PPP4R3B: variants seen among roughly 807,000 people sequenced by gnomAD.
PPP4R3B encodes the protein serine/threonine-protein phosphatase 4 regulatory subunit 3B.
In PPP4R3B, 52 loss-of-function variants were observed where a neutral mutation model predicts 95.4. The ratio of observed to expected loss-of-function variants is 0.54; its 90% CI spans 0.44 to 0.69. The LOEUF is 0.69. PPP4R3B is among the 30% of genes least tolerant of loss of function. PPP4R3B has a pLI of 0.00. For missense variants in PPP4R3B, 1,003 were observed against 1,005.9 expected (o/e 1.00, Z 0.04); for synonymous variants, 407 against 343.9 (o/e 1.18, Z -2.03).
chr2:55,614,592 G>A (rs1027902993), intron 2 of PPP4R3B: 2 of 152,126 alleles, frequency 1.3e-5, no homozygotes, highest in African/African-American at 4.8e-5. Flanking sequence ...ATAAAAGCAT[G>A]TACACAAAGA....
chr2:55,607,623 G>A (rs1393057437), intron 2 of PPP4R3B, among the ~76,000 whole-genome samples: 2 of 152,102 alleles, frequency 1.3e-5, no homozygotes, highest in Non-Finnish European at 2.9e-5. Context: ...TAGTTATCTG[G>A]GAGCTCTCCA....
chr2:55,574,822 C>T (rs1688439183), intron 11 of PPP4R3B, among the ~76,000 whole-genome samples: 1 of 151,616 alleles, frequency 6.6e-6, no homozygotes, highest in Non-Finnish European at 1.5e-5. Flanking sequence ...TCTCGATCTC[C>T]TGACCTCGTG....
chr2:55,615,251 C>A, intron 2 of PPP4R3B, 200 bp downstream of exon 2: 1 of 528,882 alleles, frequency 1.9e-6, no homozygotes. Context: ...CCGACAGTGG[C>A]TCAATCCAAA....
intron 2 of PPP4R3B, among the ~76,000 whole-genome samples, chr2:55,604,793 T>TACACAC (rs1559045732): frequency 8.0e-6 from 1 of 125,266 alleles, no homozygotes; most frequent in Non-Finnish European, 1.6e-5. Flanking sequence ...AAATAAAACA[T>TACACAC]AGACACACAC....
At chr2:55,594,088 C>T (rs56284959) in intron 4 of PPP4R3B, among the ~76,000 whole-genome samples, 4,138 of 152,180 alleles carry the variant, frequency 0.027, 82 homozygotes, top group South Asian at 0.1. Flanking sequence ...CATGTTCTCA[C>T]TTACAAGTGG....
Position 55,564,925 on chromosome 2 carries a change from G to A in PPP4R3B, c.2052C>T (p.Asp684=). 1 of 1,609,968 alleles carries A rather than the reference G, an allele frequency of 6.2e-7. No individual in the cohort carries two copies. Among genetic ancestry groups the A allele is most frequent in the Non-Finnish European group, 8.5e-7 (1 of 1,178,500 alleles). ...GLKTKYEQEK[D]RQNQKLNSVP... ...ACCTGTTCAGTTTCTGATTTTGTCT[G>A]TCTTTTTCTTGCTCATATTTAGTCT... Residue 684 remains aspartate, a synonymous_variant, in exon 14 of 17, where the codon GAC becomes GAT. Transcript: ENST00000616407.
intron 3 of PPP4R3B, among the ~76,000 whole-genome samples, chr2:55,600,845 C>T (rs1271385443): frequency 6.6e-6 from 1 of 151,958 alleles, no homozygotes; most frequent in Non-Finnish European, 1.5e-5. Context: ...AGTAATGTAA[C>T]AAGGAAAATT....
intron 3 of PPP4R3B, among the ~76,000 whole-genome samples, chr2:55,599,979 C>T (rs17047119): frequency 0.14 from 20,852 of 152,128 alleles, 2,917 homozygotes; most frequent in African/African-American, 0.36. Context: ...TAAACTTATG[C>T]TTTCTCAAAG....
chr2:55,553,359 C>G (rs1317331314), intron 16 of PPP4R3B, among the ~76,000 whole-genome samples: 4 of 152,144 alleles, frequency 2.6e-5, no homozygotes, highest in Non-Finnish European at 5.9e-5. Context: ...GATGGCTTCA[C>G]AGGAGTATGG....
chr2:55,558,165 T>A (rs7586124), intron 16 of PPP4R3B, among the ~76,000 whole-genome samples: 2 of 152,012 alleles, frequency 1.3e-5, no homozygotes, highest in South Asian at 4.1e-4. Context: ...TAAACTGGCA[T>A]AGACTTTATG....
rs78659250 is a variant in PPP4R3B, at chr2:55,610,707, T to A, written c.198+4744A>T. 1.0e-3 allele frequency among the ~76,000 whole-genome samples: 152 copies of A among 152,334 alleles called. 1 individual carries two copies. The highest frequency in any genetic ancestry group is 3.0e-3 in the African/African-American group (125 of 41,578). ...ATGTGTGAAATGCTTTCACGGGCTT[T>A]CAGTGAAGACTGTGGTAAAACACTG... On this transcript the variant is annotated intron_variant, in intron 2 of 16. Coordinates refer to ENST00000616407, the MANE Select transcript of PPP4R3B (RefSeq NM_001122964.3).
chr2:55,584,049 T>C (rs1689782455), intron 7 of PPP4R3B, among the ~76,000 whole-genome samples: 1 of 151,898 alleles, frequency 6.6e-6, no homozygotes, highest in African/African-American at 2.4e-5. Flanking sequence ...CTACCAAAAA[T>C]ACACAGTTAG....
intron 12 of PPP4R3B, among the ~76,000 whole-genome samples, chr2:55,570,717 C>T (rs1208877633): frequency 1.3e-5 from 2 of 152,172 alleles, no homozygotes; most frequent in Non-Finnish European, 2.9e-5. Context: ...TTGTGCCTGT[C>T]ACAAGAGGTT....
chr2:55,549,776 G>A lies in PPP4R3B; in HGVS notation c.*135C>T. On this transcript the variant is annotated 3_prime_UTR_variant, in exon 17 of 17. Coordinates refer to ENST00000616407, the MANE Select transcript of PPP4R3B (RefSeq NM_001122964.3). ...TTTTTATTAGAACTAAACTCTCTTA[G>A]CTGATATACTGTCTTTTGCTACTCC... 1 of 695,402 alleles carries A rather than the reference G, an allele frequency of 1.4e-6. No homozygotes were observed. The highest frequency in any genetic ancestry group is 2.5e-6 in the Non-Finnish European group (1 of 401,830). 43.1% of individuals were successfully genotyped at this position (695,402 alleles called of 1,614,324 possible). A position where few individuals can be genotyped will look rare whatever the true frequency, so the allele number is the denominator to read the frequency against.
At chr2:55,606,312 CATTA>C (rs1203196263) in intron 2 of PPP4R3B, among the ~76,000 whole-genome samples, 1 of 152,100 alleles carries the variant, frequency 6.6e-6, no homozygotes, top group African/African-American at 2.4e-5. Flanking sequence ...GGCTCCGTAT[CATTA>C]GTTAGTATTA....
chr2:55,557,778 T>G (rs1274682644), intron 16 of PPP4R3B, among the ~76,000 whole-genome samples: 1 of 152,148 alleles, frequency 6.6e-6, no homozygotes, highest in East Asian at 1.9e-4. Flanking sequence ...TGTCCCCTAT[T>G]TATGCCTTTT....
chr2:55,589,407 T>C (rs550811769), intron 4 of PPP4R3B, among the ~76,000 whole-genome samples: 14 of 152,298 alleles, frequency 9.2e-5, no homozygotes, highest in African/African-American at 3.1e-4. Context: ...CGACAGTAGA[T>C]AAAGTTACAA....
intron 11 of PPP4R3B, among the ~76,000 whole-genome samples, chr2:55,574,326 C>G (rs945200157): frequency 1.3e-5 from 2 of 150,944 alleles, no homozygotes; most frequent in African/African-American, 4.9e-5. Context: ...ATATGAAATA[C>G]AGAAAGAAAG....
At chr2:55,577,245 G>A (rs1220863758) in intron 11 of PPP4R3B, 70 bp downstream of exon 11, 1 of 1,479,736 alleles carries the variant, frequency 6.8e-7, no homozygotes, top group Non-Finnish European at 8.9e-7. Context: ...CCTTATATAA[G>A]TGCATTACAC....
Sources: gnomAD v4.1 joint callset for allele counts (sites outside exome capture counted in the v4.1 genomes callset) on GRCh38, gnomAD v4.1.1 for gene constraint, MANE v1.5 for transcripts, NCBI Gene and HGNC (gene_info 2026-07-23, HGNC 2026-07-21) for gene names.